The following LMNTD1 variants were observed in gnomAD, a reference collection of about 807,000 sequenced individuals.
LMNTD1 encodes the protein lamin tail domain-containing protein 1.
In LMNTD1, 35 loss-of-function variants were observed where a neutral mutation model predicts 50.9. The observed-to-expected ratio is 0.69, with a 90% CI of 0.53 to 0.91. The LOEUF (loss-of-function observed/expected upper bound fraction) is 0.91. Among genes scored for constraint, LMNTD1 ranks in the 40% least tolerant of loss-of-function variants. The pLI, the probability that LMNTD1 is intolerant of heterozygous loss-of-function variation, is 0.00. For missense variants in LMNTD1, 470 were observed against 475.5 expected (o/e 0.99, Z 0.11); for synonymous variants, 153 against 161.9 (o/e 0.94, Z 0.42).
At chr12:25,524,007 CATG>C (rs988828730) in intron 6 of LMNTD1, among the ~76,000 whole-genome samples, 2 of 152,052 alleles carry the variant, frequency 1.3e-5, no homozygotes, top group African/African-American at 4.8e-5. Context: ...GAACAGAGTG[CATG>C]AAGAAGCATG....
intron 1 of LMNTD1, among the ~76,000 whole-genome samples, chr12:25,591,411 G>T (rs924725820): frequency 6.6e-6 from 1 of 151,556 alleles, no homozygotes; most frequent in Non-Finnish European, 1.5e-5. Context: ...ACAGGGTGAG[G>T]CTCCTCTGCC....
At position 25,553,223 on chromosome 12, in the gene LMNTD1, T is replaced by C. The variant is rs1206881440; in HGVS notation, c.-185A>G. The C allele has an allele frequency of 2.6e-6, 4 of 1,511,700 alleles. No individual in the cohort carries two copies. The highest frequency in any genetic ancestry group is 4.6e-5 in the Admixed American group (2 of 43,276). 93.6% of individuals were successfully genotyped at this position (1,511,700 alleles called of 1,614,324 possible). ...TCGGACAAACCATGGTGCAGGTGTGTAGCATTCACTGGAAGCAGCTTGAGA... is the reference window on the plus strand; with the variant it reads ...TCGGACAAACCATGGTGCAGGTGTGCAGCATTCACTGGAAGCAGCTTGAGA... On this transcript the variant is annotated 5_prime_UTR_variant, in exon 1 of 10. Transcript: ENST00000458174.
chr12:25,583,344 A>AC (rs11376398), intron 1 of LMNTD1, among the ~76,000 whole-genome samples: 115,425 of 151,796 alleles, frequency 0.76, 45,133 homozygotes, highest in Middle Eastern at 0.88. Context: ...TTTTTAAAAA[A>AC]TTTTAGTAGA....
chr12:25,553,041 C>T, intron 1 of LMNTD1, 28 bp downstream of exon 1: 1 of 1,607,876 alleles, frequency 6.2e-7, no homozygotes, highest in South Asian at 1.1e-5. Context: ...AGGTTCAAGG[C>T]AGATTTTTCT....
At chr12:25,514,648 A>T (rs1940618279) in intron 8 of LMNTD1, among the ~76,000 whole-genome samples, 2 of 152,140 alleles carry the variant, frequency 1.3e-5, no homozygotes, top group African/African-American at 2.4e-5. Flanking sequence ...TGTACATTTT[A>T]AACTAACTTG....
At chr12:25,476,804 T>C (rs1001926754) in intron 9 of LMNTD1, among the ~76,000 whole-genome samples, 2 of 152,356 alleles carry the variant, frequency 1.3e-5, no homozygotes, top group Non-Finnish European at 2.9e-5. Flanking sequence ...GCAGAACTCC[T>C]GACTGAAAGC....
intron 1 of LMNTD1, among the ~76,000 whole-genome samples, chr12:25,578,057 GT>G (rs760784094): frequency 2.6e-5 from 4 of 152,078 alleles, no homozygotes; most frequent in Non-Finnish European, 5.9e-5. Context: ...GTGCTTATTT[GT>G]TCTCCTTTCT....
intron 1 of LMNTD1, among the ~76,000 whole-genome samples, chr12:25,631,426 C>T (rs1167206046): frequency 6.6e-6 from 1 of 152,176 alleles, no homozygotes; most frequent in African/African-American, 2.4e-5. Flanking sequence ...CCAGAACAAG[C>T]ACTGGTATCC....
chr12:25,549,911 A>C (rs186759993), intron 2 of LMNTD1, among the ~76,000 whole-genome samples: 5 of 152,272 alleles, frequency 3.3e-5, no homozygotes, highest in African/African-American at 1.2e-4. Flanking sequence ...TTTATAAGCC[A>C]TTTATACCTC....
intron 1 of LMNTD1, among the ~76,000 whole-genome samples, chr12:25,583,560 G>A (rs1279141216): frequency 2.0e-5 from 3 of 152,112 alleles, no homozygotes; most frequent in African/African-American, 7.2e-5. Context: ...ATTCTTAAAT[G>A]TGCCTTGGAT....
intron 8 of LMNTD1, among the ~76,000 whole-genome samples, chr12:25,511,429 G>A (rs1940285787): frequency 6.6e-6 from 1 of 152,112 alleles, no homozygotes; most frequent in African/African-American, 2.4e-5. Flanking sequence ...GACAGACTTT[G>A]AAGGAAAGAC....
intron 9 of LMNTD1, among the ~76,000 whole-genome samples, chr12:25,489,448 C>A (rs890719330): frequency 6.0e-5 from 9 of 150,228 alleles, no homozygotes; most frequent in Non-Finnish European, 7.4e-5. Context: ...TGACCCCTTG[C>A]GCTTCCCAGG....
At chr12:25,507,450 C>T (rs79524014) in intron 8 of LMNTD1, among the ~76,000 whole-genome samples, 1 of 152,210 alleles carries the variant, frequency 6.6e-6, no homozygotes, top group Admixed American at 6.5e-5. Flanking sequence ...CCATCTGGCT[C>T]AGACACAGAT....
intron 4 of LMNTD1, among the ~76,000 whole-genome samples, chr12:25,538,432 G>C (rs903165527): frequency 2.0e-5 from 3 of 148,934 alleles, no homozygotes; most frequent in African/African-American, 7.4e-5. Context: ...CATTCTTAAA[G>C]AAAAGAATTT....
chr12:25,636,263 A>G (rs1417939120), intron 1 of LMNTD1, among the ~76,000 whole-genome samples: 1 of 152,200 alleles, frequency 6.6e-6, no homozygotes, highest in Non-Finnish European at 1.5e-5. Context: ...TCAAGAATCT[A>G]CAATGAACTC....
intron 1 of LMNTD1, among the ~76,000 whole-genome samples, chr12:25,644,038 A>T (rs1353706205): frequency 6.6e-6 from 1 of 152,098 alleles, no homozygotes. Context: ...CAAGAGAGAA[A>T]AGTTTTCCAT....
chr12:25,643,257 A>C (rs1946990332), intron 1 of LMNTD1, among the ~76,000 whole-genome samples: 1 of 152,214 alleles, frequency 6.6e-6, no homozygotes. Flanking sequence ...ATGACAGTTG[A>C]GTTGAATCCT....
At chr12:25,550,126 G>C (rs1030385123) in intron 2 of LMNTD1, among the ~76,000 whole-genome samples, 3 of 152,104 alleles carry the variant, frequency 2.0e-5, no homozygotes, top group Non-Finnish European at 4.4e-5. Flanking sequence ...ATGTGTATTG[G>C]AGGGAATGAC....
chr12:25,542,550 A>G (rs1943157963), intron 4 of LMNTD1, among the ~76,000 whole-genome samples: 1 of 121,942 alleles, frequency 8.2e-6, no homozygotes, highest in South Asian at 2.9e-4. Flanking sequence ...GAAGGGGAAC[A>G]TTACACTCTG....
Sources: gnomAD v4.1 joint callset for allele counts (sites outside exome capture counted in the v4.1 genomes callset) on GRCh38, gnomAD v4.1.1 for gene constraint, MANE v1.5 for transcripts, NCBI Gene and HGNC (gene_info 2026-07-23, HGNC 2026-07-21) for gene names.